XIRP2: variants seen among roughly 807,000 people sequenced by gnomAD.
XIRP2 encodes the protein xin actin-binding repeat-containing protein 2.
Under a neutral mutation model 277.0 loss-of-function variants are expected in XIRP2, and 236 were observed. The observed-to-expected ratio is 0.85, with a 90% CI of 0.77 to 0.95. The LOEUF (loss-of-function observed/expected upper bound fraction) is 0.95, where lower values mean the gene tolerates loss of function less well. Among genes scored for constraint, XIRP2 ranks in the 40% least tolerant of loss-of-function variants. The pLI is 0.00. For missense variants in XIRP2, 4,640 were observed against 4,157.5 expected (o/e 1.12, Z -3.19); for synonymous variants, 1,490 against 1,416.5 (o/e 1.05, Z -1.17).
chr2:167,087,855 G>T (rs1690011166), intron 2 of XIRP2, among the ~76,000 whole-genome samples: 1 of 152,160 alleles, frequency 6.6e-6, no homozygotes, highest in African/African-American at 2.4e-5. Flanking sequence ...ACTCCCTAGT[G>T]AGATGAACCC....
chr2:166,904,260 A>G lies in XIRP2; in HGVS notation c.408+370A>G, dbSNP rs552863556. ...TGGTGTTGCTTTTAGCCAAAGCTCC[A>G]TGAGGATTTATCAGTAATGATGCTG... On this transcript the variant is annotated intron_variant, in intron 2 of 10. Coordinates refer to ENST00000409195, the MANE Select transcript of XIRP2 (RefSeq NM_152381.6). Among the ~76,000 whole-genome samples, 31 of 152,258 alleles carry G rather than the reference A, an allele frequency of 2.0e-4. No homozygotes were observed. In the South Asian group the frequency reaches 2.7e-3, roughly 13 times the overall value.
intron 5 of XIRP2, among the ~76,000 whole-genome samples, chr2:167,226,978 A>T (rs1694620803): frequency 6.6e-6 from 1 of 152,086 alleles, no homozygotes; most frequent in Non-Finnish European, 1.5e-5. Flanking sequence ...GGCCCAGGTA[A>T]TTGATTTAAT....
chr2:167,135,909 G>A lies in XIRP2; in HGVS notation c.409G>A (p.Glu137Lys). Reference sequence around the variant, plus strand: ...ACAACCCTTTAATGTCTTGTAACAGGAAGTGGAAATTGAGCGAAGTTTGTG... The same window carrying A: ...ACAACCCTTTAATGTCTTGTAACAGAAAGTGGAAATTGAGCGAAGTTTGTG... ...GNKPAEYGGKEVEIERSLCSP... is the reference protein window; with the variant it reads ...GNKPAEYGGKKVEIERSLCSP... The change falls in exon 3 of 11, where the codon GAA becomes AAA. Residue 137 changes from glutamate to lysine, a missense_variant and splice_region_variant. Physicochemically the swap from Glu to Lys is moderately conservative, Grantham distance 56. Transcript: ENST00000409195. The A allele has an allele frequency of 6.3e-7, 1 of 1,596,230 alleles. No homozygotes were observed. The highest frequency in any genetic ancestry group is 8.5e-7 in the Non-Finnish European group (1 of 1,172,080).
intron 3 of XIRP2, among the ~76,000 whole-genome samples, chr2:167,203,416 A>G (rs1457715666): frequency 3.3e-5 from 5 of 152,174 alleles, no homozygotes; most frequent in Non-Finnish European, 7.4e-5. Flanking sequence ...GAATGGATGG[A>G]TTTTTGGGAA....
chr2:167,244,115 A>G lies in XIRP2; in HGVS notation c.2723A>G (p.Asp908Gly). The change falls in exon 9 of 11, where the codon GAT (aspartate) becomes GGT (glycine). Residue 908 changes from aspartate (D) to glycine (G), a missense_variant. Coordinates refer to ENST00000409195, the MANE Select transcript of XIRP2 (RefSeq NM_152381.6). ...ACTGCCTCTGAAGAAGAAAAAGGGG[A>G]TGTTAGGCATCAAAAATGGATTTTT... Reference protein sequence around the residue: ...KITASEEEKGDVRHQKWIFET... With the variant: ...KITASEEEKGGVRHQKWIFET... The G allele has an allele frequency of 6.2e-7, 1 of 1,613,986 alleles. No individual in the cohort carries two copies. Among genetic ancestry groups the G allele is most frequent in the Non-Finnish European group, 8.5e-7 (1 of 1,179,928 alleles).
chr2:167,213,798 C>T (rs960807187), intron 4 of XIRP2, among the ~76,000 whole-genome samples: 2 of 152,090 alleles, frequency 1.3e-5, no homozygotes, highest in East Asian at 1.9e-4. Context: ...TTCATCTACC[C>T]GCAAGTGGAA....
rs761938191 is a variant in XIRP2 at position 167,245,805 on chromosome 2, T to C, written c.4413T>C (p.Tyr1471=). Reference sequence around the variant, plus strand: ...AACTGAGAGGAGAAGGGTTAGAATATGAAAATATCAAGACAGTCACTCAGG... The same window carrying C: ...AACTGAGAGGAGAAGGGTTAGAATACGAAAATATCAAGACAGTCACTCAGG... The part of the protein sequence containing the change: ...MDELRGEGLE[Y]ENIKTVTQED... The change falls in exon 9 of 11, where the codon TAT becomes TAC. Residue 1471 remains tyrosine (Y), a synonymous_variant. Transcript: ENST00000409195. 8 of 1,613,690 alleles carry C rather than the reference T, an allele frequency of 5.0e-6. No homozygotes were observed. In the Admixed American group the frequency reaches 6.7e-5, roughly 13 times the overall value.
chr2:167,257,678 T>C lies in XIRP2; in HGVS notation c.*40-179T>C, dbSNP rs558356806. Among the ~76,000 whole-genome samples the C allele has an allele frequency of 1.6e-4, 24 of 152,122 alleles. No individual in the cohort carries two copies. In the South Asian group the frequency reaches 4.8e-3, roughly 30 times the overall value. ...ATAAAATTCTAAACACTGCAAGACA[T>C]ACATCATATAAAGTATTGGTGGTAA... On this transcript the variant is annotated intron_variant, in intron 10 of 10. Coordinates refer to ENST00000409195, the MANE Select transcript of XIRP2 (RefSeq NM_152381.6).
chr2:167,009,893 C>G (rs1211385744), intron 2 of XIRP2, among the ~76,000 whole-genome samples: 2 of 152,080 alleles, frequency 1.3e-5, no homozygotes, highest in Non-Finnish European at 2.9e-5. Context: ...ATTTCCTTCA[C>G]CCACTTTTTG....
At chr2:167,088,736 A>C (rs1358495320) in intron 2 of XIRP2, among the ~76,000 whole-genome samples, 47 of 152,076 alleles carry the variant, frequency 3.1e-4, no homozygotes, top group Admixed American at 3.0e-3. Flanking sequence ...TTGCTTTCTC[A>C]ACTTCAAACA....
intron 2 of XIRP2, among the ~76,000 whole-genome samples, chr2:166,984,187 T>G (rs907461792): frequency 1.3e-5 from 2 of 152,220 alleles, no homozygotes; most frequent in Admixed American, 1.3e-4. Flanking sequence ...AATTTATCAA[T>G]TGGTTTCTTG....
chr2:167,162,678 T>C lies in XIRP2; in HGVS notation c.562+26616T>C, dbSNP rs183729018. Among the ~76,000 whole-genome samples, 87 of 152,342 alleles carry C rather than the reference T, an allele frequency of 5.7e-4. 2 individuals carry two copies. Among genetic ancestry groups the C allele is most frequent in the Admixed American group, 3.1e-3 (48 of 15,298 alleles). ...CCAGTTTAATATTCTGCTTTTCGAATGTATTGATATTTTCGTATATTTTTA... is the reference window on the plus strand; with the variant it reads ...CCAGTTTAATATTCTGCTTTTCGAACGTATTGATATTTTCGTATATTTTTA... On this transcript the variant is annotated intron_variant, in intron 3 of 10. Coordinates refer to ENST00000409195, the MANE Select transcript of XIRP2 (RefSeq NM_152381.6).
intron 3 of XIRP2, among the ~76,000 whole-genome samples, chr2:167,182,813 G>A (rs1693053482): frequency 6.6e-6 from 1 of 151,896 alleles, no homozygotes; most frequent in South Asian, 2.1e-4. Flanking sequence ...TCTCTTAAAG[G>A]AAAATTAAAG....
At chr2:166,913,085 C>T (rs568412856) in intron 2 of XIRP2, among the ~76,000 whole-genome samples, 59 of 152,346 alleles carry the variant, frequency 3.9e-4, no homozygotes, top group Non-Finnish European at 7.5e-4. Context: ...TATCCATTCT[C>T]AGATCTCAAA....
chr2:167,153,870 C>T (rs1692099613), intron 3 of XIRP2, among the ~76,000 whole-genome samples: 1 of 151,066 alleles, frequency 6.6e-6, no homozygotes, highest in African/African-American at 2.4e-5. Flanking sequence ...AATAAACATA[C>T]ATGTGCATGT....
rs1394110174 is a variant in XIRP2 at position 166,923,521 on chromosome 2, A to C, written c.408+19631A>C. On this transcript the variant is annotated intron_variant, in intron 2 of 10. Coordinates refer to ENST00000409195, the MANE Select transcript of XIRP2 (RefSeq NM_152381.6). The stretch of plus-strand genomic sequence containing the variant: ...TCCAAAATAGATAGCCATTAAAAAC[A>C]AGAGACTATCCAGTTTCCATAAAGA... 2.6e-5 allele frequency among the ~76,000 whole-genome samples: 4 copies of C among 152,236 alleles called. No homozygotes were observed. The East Asian group carries it at 7.7e-4, about 29-fold the overall frequency.
At chr2:166,945,199 G>C (rs1341585569) in intron 2 of XIRP2, among the ~76,000 whole-genome samples, 1 of 152,164 alleles carries the variant, frequency 6.6e-6, no homozygotes, top group South Asian at 2.1e-4. Context: ...AAAGTAAGGA[G>C]TATGAGAAAG....
intron 5 of XIRP2, among the ~76,000 whole-genome samples, chr2:167,231,500 G>T (rs1433787092): frequency 2.0e-5 from 3 of 151,648 alleles, no homozygotes; most frequent in African/African-American, 7.3e-5. Context: ...CTTTTAACTG[G>T]TTTCCATTTG....
At chr2:167,201,228 AAGAAAGAAAGAAAGAAAGAAAG>A (rs1559018200) in intron 3 of XIRP2, among the ~76,000 whole-genome samples, 2 of 109,872 alleles carry the variant, frequency 1.8e-5, no homozygotes, top group African/African-American at 1.0e-4. Flanking sequence ...GAAAGAAAGA[AAGAAAGAAAGAAAGAAAGAAAG>A]AAAGAAAGAA....
Sources: gnomAD v4.1 joint callset for allele counts (sites outside exome capture counted in the v4.1 genomes callset) on GRCh38, gnomAD v4.1.1 for gene constraint, MANE v1.5 for transcripts, NCBI Gene and HGNC (gene_info 2026-07-23, HGNC 2026-07-21) for gene names.